Variants in ZNF638 observed in about 807,000 individuals in gnomAD.
ZNF638 encodes CTCL tumor antigen se33-1.
Under a neutral mutation model 195.6 loss-of-function variants are expected in ZNF638, and 46 were observed. The observed-to-expected ratio is 0.24, with a 90% CI of 0.19 to 0.30. The LOEUF is 0.30. ZNF638 is among the 10% of genes least tolerant of loss of function. The probability of loss-of-function intolerance (pLI) is 1.00; values close to 1 mark genes in which losing one functional copy is unlikely to be tolerated. For synonymous variants in ZNF638, 845 were observed against 772.0 expected (o/e 1.09, Z -1.57); for missense variants, 2,440 against 2,325.3 (o/e 1.05, Z -1.01).
At position 71,371,897 on chromosome 2, in the gene ZNF638, T is replaced by C. The variant is rs146077065; in HGVS notation, c.2265+1892T>C. On this transcript the variant is annotated intron_variant, in intron 8 of 27. Coordinates refer to ENST00000264447, the MANE Select transcript of ZNF638 (RefSeq NM_014497.5). ...TTGTTTCCTTTGCTCTGCAGAAGCT[T>C]TTTAACTTGAAGTGGTCCCATTTGT... Among the ~76,000 whole-genome samples, 577 of 152,236 alleles carry C rather than the reference T, an allele frequency of 3.8e-3. 1 individual carries two copies. The highest frequency in any genetic ancestry group is 6.4e-3 in the Non-Finnish European group (438 of 68,006).
chr2:71,400,607 G>A, intron 15 of ZNF638, 89 bp downstream of exon 15: 1 of 1,108,100 alleles, frequency 9.0e-7, no homozygotes, highest in South Asian at 1.6e-5. Flanking sequence ...AAAAATTCAT[G>A]GTATTTGGCA....
chr2:71,423,648 A>G lies in ZNF638; in HGVS notation c.4134A>G (p.Lys1378=). The G allele has an allele frequency of 6.2e-7, 1 of 1,613,774 alleles. No individual in the cohort carries two copies. The highest frequency in any genetic ancestry group is 1.1e-5 in the South Asian group (1 of 91,080). The part of the protein sequence containing the change: ...GQANKPDETS[K]TSILAVSDVS... The stretch of plus-strand genomic sequence containing the variant: ...CTAATAAGCCTGATGAAACTAGTAA[A>G]ACTAGTATTCTGGCTGTATCAGATG... The change falls in exon 22 of 28, where the codon AAA becomes AAG. Residue 1378 remains lysine, a synonymous_variant. Coordinates refer to ENST00000264447, the MANE Select transcript of ZNF638 (RefSeq NM_014497.5).
chr2:71,388,374 C>T (rs567338890), intron 10 of ZNF638: 17 of 604,354 alleles, frequency 2.8e-5, no homozygotes, highest in East Asian at 1.3e-4. Flanking sequence ...TTTGATCATC[C>T]GACCTTTGAT....
chr2:71,389,769 G>A (rs531417094), intron 10 of ZNF638, among the ~76,000 whole-genome samples: 13 of 152,124 alleles, frequency 8.5e-5, no homozygotes, highest in Non-Finnish European at 1.6e-4. Context: ...TTTATCAATC[G>A]GTTAACCCAG....
At chr2:71,404,532 C>T (rs1377707038) in intron 17 of ZNF638, among the ~76,000 whole-genome samples, 8 of 152,118 alleles carry the variant, frequency 5.3e-5, no homozygotes, top group African/African-American at 1.9e-4. Context: ...GCCTGGGCAA[C>T]AAAGTGAGAC....
chr2:71,434,945 A>G lies in ZNF638; in HGVS notation c.*138A>G. 1 of 650,606 alleles carries G rather than the reference A, an allele frequency of 1.5e-6. No individual in the cohort carries two copies. The highest frequency in any genetic ancestry group is 1.9e-5 in the African/African-American group (1 of 53,684). The allele number at this position is 650,606 out of a possible 1,614,324, so 40.3% of individuals were successfully genotyped here. ...ACAAATTTCTGATTGCCCTAAATGT[A>G]GAGAGACTGATGGGGAAAGTATGAT... On this transcript the variant is annotated 3_prime_UTR_variant, in exon 28 of 28. Coordinates refer to ENST00000264447, the MANE Select transcript of ZNF638 (RefSeq NM_014497.5).
chr2:71,340,229 TTGAC>T (rs2078740918), intron 1 of ZNF638, among the ~76,000 whole-genome samples: 1 of 152,244 alleles, frequency 6.6e-6, no homozygotes, highest in South Asian at 2.1e-4. Context: ...TTCTGTTTCA[TTGAC>T]TGTTTCTTTG....
intron 10 of ZNF638, chr2:71,395,834 T>C (rs772907819): frequency 4.4e-6 from 2 of 455,632 alleles, no homozygotes; most frequent in South Asian, 2.3e-5. Context: ...TGACTTGATA[T>C]ATTGTGTGTG....
intron 27 of ZNF638, chr2:71,433,514 C>T (rs1456986374): frequency 2.5e-6 from 1 of 405,416 alleles, no homozygotes; most frequent in African/African-American, 2.0e-5. Context: ...TCACTAGTCT[C>T]ATATGACACT....
chr2:71,368,270 A>G, intron 6 of ZNF638, 112 bp from the exon 7 acceptor site: 1 of 961,240 alleles, frequency 1.0e-6, no homozygotes, highest in East Asian at 2.9e-5. Flanking sequence ...AAATATGGAA[A>G]AGACCCTTTA....
intron 22 of ZNF638, among the ~76,000 whole-genome samples, chr2:71,424,291 T>TAA (rs76683427): frequency 1.4e-5 from 2 of 138,018 alleles, no homozygotes; most frequent in Middle Eastern, 3.7e-3. Flanking sequence ...AACTGTGGTT[T>TAA]AAAAAAAAAA....
intron 1 of ZNF638, among the ~76,000 whole-genome samples, chr2:71,339,938 G>A (rs1415579488): frequency 2.0e-5 from 3 of 152,156 alleles, no homozygotes; most frequent in Non-Finnish European, 4.4e-5. Flanking sequence ...GCCTGTTTAC[G>A]TATGCAGGTC....
chr2:71,371,235 A>G (rs762858288), intron 8 of ZNF638, among the ~76,000 whole-genome samples: 27 of 152,054 alleles, frequency 1.8e-4, no homozygotes, highest in Non-Finnish European at 2.8e-4. Flanking sequence ...TTCTTTATCT[A>G]TTCATGTGTT....
At position 71,431,322 on chromosome 2, in the gene ZNF638, T is replaced by C; in HGVS notation, c.5651-5T>C. The C allele has an allele frequency of 6.2e-7, 1 of 1,607,724 alleles. No individual in the cohort carries two copies. The highest frequency in any genetic ancestry group is 1.3e-5 in the African/African-American group (1 of 74,622). On this transcript the variant is annotated splice_region_variant and splice_polypyrimidine_tract_variant and intron_variant, in intron 25 of 27. Coordinates refer to ENST00000264447, the MANE Select transcript of ZNF638 (RefSeq NM_014497.5). ...GAATAGCTTTTTTTCCTCGAAAAAT[T>C]TTAGTTGATGAGGAATCTGGATTAA...
intron 10 of ZNF638, chr2:71,388,722 C>A: frequency 8.4e-7 from 1 of 1,192,836 alleles, no homozygotes; most frequent in African/African-American, 1.5e-5. Context: ...ACTGTGCAGT[C>A]AGTAAGTCAT....
intron 8 of ZNF638, among the ~76,000 whole-genome samples, chr2:71,378,179 T>C (rs948678118): frequency 6.6e-6 from 1 of 152,146 alleles, no homozygotes; most frequent in African/African-American, 2.4e-5. Context: ...TCAAAAAATA[T>C]CACTTAAAAT....
intron 1 of ZNF638, among the ~76,000 whole-genome samples, chr2:71,336,079 T>A (rs1391183337): frequency 6.6e-6 from 1 of 152,142 alleles, no homozygotes; most frequent in Non-Finnish European, 1.5e-5. Flanking sequence ...TTTAAAAATG[T>A]ACTTGATAAG....
chr2:71,383,750 T>TTC (rs1352033781), intron 10 of ZNF638, among the ~76,000 whole-genome samples: 4 of 113,164 alleles, frequency 3.5e-5, no homozygotes, highest in Non-Finnish European at 6.8e-5. Context: ...TTTTCTTTTT[T>TTC]TTTTTCTTTT....
chr2:71,363,386 C>T (rs1003225791), intron 4 of ZNF638, among the ~76,000 whole-genome samples, 195 bp downstream of exon 4: 1 of 152,096 alleles, frequency 6.6e-6, no homozygotes, highest in African/African-American at 2.4e-5. Context: ...TTTCTTTAGC[C>T]TGTTCTGAAA....
Sources: allele counts gnomAD v4.1 joint callset (sites outside exome capture counted in the v4.1 genomes callset), GRCh38; gene constraint gnomAD v4.1.1; transcripts MANE v1.5; gene names NCBI Gene and HGNC (gene_info 2026-07-23, HGNC 2026-07-21).